The following ADAM22 variants were observed in gnomAD, a reference collection of about 807,000 sequenced individuals.
ADAM22 encodes ADAM metallopeptidase domain 22.
In ADAM22, 65 loss-of-function variants were observed where a neutral mutation model predicts 144.6. The observed-to-expected ratio is 0.45, with a 90% confidence interval of 0.37 to 0.55. The LOEUF (loss-of-function observed/expected upper bound fraction) is 0.55, where lower values mean the gene tolerates loss of function less well. Among genes scored for constraint, ADAM22 ranks in the 20% least tolerant of loss-of-function variants. ADAM22 has a pLI of 0.00. For missense variants in ADAM22, 974 were observed against 1,184.9 expected (o/e 0.82, Z 2.61); for synonymous variants, 391 against 412.6 (o/e 0.95, Z 0.63).
intron 3 of ADAM22, among the ~76,000 whole-genome samples, chr7:88,059,581 C>T (rs1288167200): frequency 1.3e-5 from 2 of 152,114 alleles, no homozygotes; most frequent in African/African-American, 2.4e-5. Flanking sequence ...TTCAATGAAG[C>T]ACTACTCATA....
rs77554594 is a variant in ADAM22 at position 87,958,378 on chromosome 7, T to A, written c.247-19958T>A. 6.2e-4 allele frequency among the ~76,000 whole-genome samples: 94 copies of A among 151,912 alleles called. 6 individuals carry two copies. The highest frequency in any genetic ancestry group is 2.9e-5 in the Non-Finnish European group (2 of 67,986). On this transcript the variant is annotated intron_variant, in intron 2 of 31. Transcript: ENST00000413139. The stretch of plus-strand genomic sequence containing the variant: ...ATAAGACTTTAAAGTTTTTTTAAAT[T>A]TTTTTTATTTTTTATTTTTTTTTTG...
At chr7:87,938,988 A>C (rs1183355741) in intron 2 of ADAM22, among the ~76,000 whole-genome samples, 3 of 152,172 alleles carry the variant, frequency 2.0e-5, no homozygotes, top group Non-Finnish European at 4.4e-5. Flanking sequence ...CTCTGTACCA[A>C]TTTTTATGCA....
chr7:87,937,920 T>C (rs1203166421), intron 2 of ADAM22, among the ~76,000 whole-genome samples: 1 of 152,180 alleles, frequency 6.6e-6, no homozygotes, highest in Non-Finnish European at 1.5e-5. Context: ...CATGTTGATG[T>C]CTCTATCACT....
At chr7:88,000,136 A>G (rs921657968) in intron 3 of ADAM22, among the ~76,000 whole-genome samples, 2 of 152,184 alleles carry the variant, frequency 1.3e-5, no homozygotes, top group Admixed American at 1.3e-4. Flanking sequence ...ATCTCTCATT[A>G]TTCTTTAGAT....
chr7:88,084,807 A>T (rs1159376380), intron 4 of ADAM22, among the ~76,000 whole-genome samples: 1 of 152,210 alleles, frequency 6.6e-6, no homozygotes, highest in Non-Finnish European at 1.5e-5. Context: ...AGTACCACAG[A>T]CTGGGTGGCT....
intron 17 of ADAM22, among the ~76,000 whole-genome samples, chr7:88,147,809 C>T (rs912207985): frequency 6.6e-6 from 1 of 152,128 alleles, no homozygotes; most frequent in African/African-American, 2.4e-5. Context: ...CATATTTCTA[C>T]CCTAGATATT....
At chr7:88,056,827 A>C (rs1370025423) in intron 3 of ADAM22, among the ~76,000 whole-genome samples, 1 of 152,324 alleles carries the variant, frequency 6.6e-6, no homozygotes, top group East Asian at 1.9e-4. Context: ...TAGTTTTGAT[A>C]TGATTATTAG....
chr7:88,120,295 T>G (rs1828940531), intron 7 of ADAM22, among the ~76,000 whole-genome samples: 1 of 152,100 alleles, frequency 6.6e-6, no homozygotes, highest in Non-Finnish European at 1.5e-5. Flanking sequence ...GTCATTTACA[T>G]TAGTTATATC....
chr7:88,166,026 AT>A, intron 24 of ADAM22, 80 bp downstream of exon 24: 1 of 936,404 alleles, frequency 1.1e-6, no homozygotes, highest in Non-Finnish European at 1.6e-6. Flanking sequence ...TATTTGAGTT[AT>A]TTTTATGATA....
chr7:88,119,036 A>C (rs761249318), intron 7 of ADAM22, among the ~76,000 whole-genome samples: 1 of 152,198 alleles, frequency 6.6e-6, no homozygotes, highest in Non-Finnish European at 1.5e-5. Context: ...TGTTTTATAT[A>C]TTTCCCAGCG....
chr7:87,968,896 A>G (rs1305046285), intron 2 of ADAM22, among the ~76,000 whole-genome samples: 1 of 152,182 alleles, frequency 6.6e-6, no homozygotes, highest in Non-Finnish European at 1.5e-5. Flanking sequence ...TCATGGCAGA[A>G]GGTGAAGGGG....
At chr7:88,172,425 A>T (rs918924156) in intron 26 of ADAM22, among the ~76,000 whole-genome samples, 1 of 151,910 alleles carries the variant, frequency 6.6e-6, no homozygotes, top group Non-Finnish European at 1.5e-5. Flanking sequence ...ATTTAGTTCT[A>T]TACTCATGGT....
intron 3 of ADAM22, among the ~76,000 whole-genome samples, chr7:88,002,721 A>C (rs1792868415): frequency 6.6e-6 from 1 of 152,252 alleles, no homozygotes; most frequent in Non-Finnish European, 1.5e-5. Context: ...TGGGTGAAGA[A>C]GAACCTTTTC....
At chr7:88,026,342 C>A (rs565321010) in intron 3 of ADAM22, among the ~76,000 whole-genome samples, 1 of 152,106 alleles carries the variant, frequency 6.6e-6, no homozygotes, top group East Asian at 1.9e-4. Flanking sequence ...GGGAGAGGTG[C>A]CACATACTTT....
intron 4 of ADAM22, among the ~76,000 whole-genome samples, chr7:88,099,128 T>C (rs1822231661): frequency 6.6e-6 from 1 of 152,204 alleles, no homozygotes; most frequent in Non-Finnish European, 1.5e-5. Flanking sequence ...AAAGTGGTAA[T>C]GGAGTCTTAC....
Position 87,973,560 on chromosome 7 carries a change from C to G in ADAM22, c.247-4776C>G, listed in dbSNP as rs535428138. 2.5e-4 allele frequency among the ~76,000 whole-genome samples: 38 copies of G among 151,940 alleles called. 1 individual carries two copies. Among genetic ancestry groups the G allele is most frequent in the Non-Finnish European group, 5.6e-4 (38 of 68,008 alleles). On this transcript the variant is annotated intron_variant, in intron 2 of 31. Transcript: ENST00000413139. The stretch of plus-strand genomic sequence containing the variant: ...CCTCAGGGATCTAGAACTAGAAATA[C>G]CATTTGACCCAGCCATCCCATTACT...
At chr7:88,108,491 G>C (rs1005698897) in intron 5 of ADAM22, among the ~76,000 whole-genome samples, 2 of 151,894 alleles carry the variant, frequency 1.3e-5, no homozygotes, top group South Asian at 4.1e-4. Context: ...ACTTTGGGGG[G>C]GTCTAGGCAG....
chr7:88,103,660 G>A (rs1823560465), intron 4 of ADAM22, among the ~76,000 whole-genome samples: 1 of 152,102 alleles, frequency 6.6e-6, no homozygotes. Flanking sequence ...AGCTATGACT[G>A]GCTGTCTGAT....
intron 4 of ADAM22, among the ~76,000 whole-genome samples, chr7:88,094,818 A>T (rs1485910255): frequency 6.6e-6 from 1 of 152,066 alleles, no homozygotes; most frequent in East Asian, 1.9e-4. Context: ...AATGGTACCC[A>T]TTTTTTGGTT....
Sources: gnomAD v4.1 joint callset for allele counts (sites outside exome capture counted in the v4.1 genomes callset) on GRCh38, gnomAD v4.1.1 for gene constraint, MANE v1.5 for transcripts, NCBI Gene and HGNC (gene_info 2026-07-23, HGNC 2026-07-21) for gene names.